Variants in ENPP1 observed in about 807,000 individuals in gnomAD.
The protein encoded by ENPP1 is ectonucleotide pyrophosphatase/phosphodiesterase 1.
In ENPP1, 73 loss-of-function variants were observed where a neutral mutation model predicts 122.8. That is an observed-to-expected ratio of 0.59 (90% CI 0.49 to 0.72). ENPP1 has a LOEUF of 0.72. Ranked by LOEUF, ENPP1 falls within the 30% of genes least tolerant of loss-of-function variation. The probability of loss-of-function intolerance (pLI) is 0.00; values close to 1 mark genes in which losing one functional copy is unlikely to be tolerated. For missense variants in ENPP1, 978 were observed against 1,128.1 expected, an observed-to-expected ratio of 0.87 and a Z score of 1.91; for synonymous variants, 367 against 391.6, an observed-to-expected ratio of 0.94 and a Z score of 0.74.
chr6:131,853,454 C>G (rs947411045), intron 5 of ENPP1, among the ~76,000 whole-genome samples: 2 of 152,224 alleles, frequency 1.3e-5, no homozygotes, highest in African/African-American at 4.8e-5. Context: ...ACTTAGGACA[C>G]TTATTATTAC....
At chr6:131,886,077 A>C (rs1782373527) in intron 23 of ENPP1, among the ~76,000 whole-genome samples, 1 of 152,228 alleles carries the variant, frequency 6.6e-6, no homozygotes, top group African/African-American at 2.4e-5. Flanking sequence ...CAGTTTAAAA[A>C]ATTAAGTTAT....
chr6:131,852,282 A>G (rs1417121567), intron 5 of ENPP1, 47 bp downstream of exon 5: 7 of 1,139,964 alleles, frequency 6.1e-6, no homozygotes, highest in Non-Finnish European at 9.2e-6. Flanking sequence ...TTAGAAGTAC[A>G]GCATCATTTT....
Sources: allele counts gnomAD v4.1 joint callset (sites outside exome capture counted in the v4.1 genomes callset), GRCh38; gene constraint gnomAD v4.1.1; transcripts MANE v1.5; gene names NCBI Gene and HGNC (gene_info 2026-07-23, HGNC 2026-07-21).